Variants in ZNF740 observed in about 807,000 individuals in gnomAD.
ZNF740 encodes zinc finger protein 740, also known as oriLyt TD-element-binding protein 7.
Under a neutral mutation model 24.8 loss-of-function variants are expected in ZNF740, and 14 were observed. The observed-to-expected ratio is 0.56, with a 90% CI of 0.37 to 0.88. The LOEUF (loss-of-function observed/expected upper bound fraction) is 0.88, where lower values mean the gene tolerates loss of function less well. ZNF740 is among the 40% of genes least tolerant of loss of function. ZNF740 has a pLI of 0.00. For synonymous variants in ZNF740, 69 were observed against 84.0 expected, an observed-to-expected ratio of 0.82 and a Z score of 0.98; for missense variants, 201 against 247.9, an observed-to-expected ratio of 0.81 and a Z score of 1.27.
rs1306099313 is a variant in ZNF740 at position 53,191,706 on chromosome 12, G to A, written c.*4116G>A. On this transcript the variant is annotated 3_prime_UTR_variant, in exon 7 of 7. Transcript: ENST00000416904. Reference sequence around the variant, plus strand: ...CTCGTCCCCTTTCTAGACCTAAGAGGCCAGCCTTGAGCCGAATCCTAGGAG... The same window carrying A: ...CTCGTCCCCTTTCTAGACCTAAGAGACCAGCCTTGAGCCGAATCCTAGGAG... The A allele has an allele frequency of 1.3e-6, 2 of 1,541,892 alleles. No individual in the cohort carries two copies. Among genetic ancestry groups the A allele is most frequent in the South Asian group, 2.2e-5 (2 of 89,424 alleles).
chr12:53,194,102 C>G lies in ZNF740; in HGVS notation c.*6512C>G. 6 of 1,540,470 alleles carry G rather than the reference C, an allele frequency of 3.9e-6. No homozygotes were observed. The highest frequency in any genetic ancestry group is 5.3e-6 in the Non-Finnish European group (6 of 1,123,782). On this transcript the variant is annotated 3_prime_UTR_variant, in exon 7 of 7. Transcript: ENST00000416904. ...GGAGGACTACCTCAGGCTCTCATGTCACTCCCTGTACCTGCCACCCATCTT... is the reference window on the plus strand; with the variant it reads ...GGAGGACTACCTCAGGCTCTCATGTGACTCCCTGTACCTGCCACCCATCTT...
In ZNF740 at chr12:53,193,187, T is replaced by C; in HGVS notation, c.*5597T>C. The C allele has an allele frequency of 6.2e-7, 1 of 1,614,062 alleles. No homozygotes were observed. Among genetic ancestry groups the C allele is most frequent in the Non-Finnish European group, 8.5e-7 (1 of 1,179,980 alleles). On this transcript the variant is annotated 3_prime_UTR_variant, in exon 7 of 7. Transcript: ENST00000416904. ...TCGCTCACAGCTGGCATCGTCACAC[T>C]CGCACAGATGCCCAGAGCTCTGTCC...
Position 53,194,511 on chromosome 12 carries a change from G to T in ZNF740, c.*6921G>T, listed in dbSNP as rs1942088769. 1.6e-6 allele frequency: 1 copy of T among 631,356 alleles called. No individual in the cohort carries two copies. Among genetic ancestry groups the T allele is most frequent in the African/African-American group, 1.8e-5 (1 of 54,342 alleles). The allele number at this position is 631,356 out of a possible 1,614,324, so 39.1% of individuals were successfully genotyped here. ...GCATTTCTGGAGGGAGGACCCGTGA[G>T]AACCTTGCATAGAACATACAGGATC... On this transcript the variant is annotated 3_prime_UTR_variant, in exon 7 of 7. Transcript: ENST00000416904.
Position 53,181,821 on chromosome 12 carries a change from T to C in ZNF740, c.-163T>C, listed in dbSNP as rs1941656085. On this transcript the variant is annotated 5_prime_UTR_variant, in exon 2 of 7. Coordinates refer to ENST00000416904, the MANE Select transcript of ZNF740 (RefSeq NM_001004304.4). ...CACCTATCTTTTCTTCGGAGGACAC[T>C]AAGTTCTATTTGAAGACAAAGTTCA... 1.2e-6 allele frequency: 1 copy of C among 861,630 alleles called. No homozygotes were observed. The highest frequency in any genetic ancestry group is 1.8e-6 in the Non-Finnish European group (1 of 557,986). The allele number at this position is 861,630 out of a possible 1,614,324, so 53.4% of individuals were successfully genotyped here.
Position 53,187,581 on chromosome 12 carries a change from T to A in ZNF740, c.573T>A (p.Phe191Leu), listed in dbSNP as rs777386549. Residue 191 changes from phenylalanine to leucine, a missense_variant, in exon 7 of 7, where the codon TTT (phenylalanine) becomes TTA (leucine). Physicochemically the swap from Phe to Leu is conservative, Grantham distance 22. This residue lies in a region of ZNF740 where 24 missense variants were observed against 17.8 expected (regional missense o/e 1.35). Coordinates refer to ENST00000416904, the MANE Select transcript of ZNF740 (RefSeq NM_001004304.4). ...AGTCCAAGACTTCCGACGGGCAGTT[T>A]TCTCTATAGGCGCAAGGGGCCCCGG... The part of the protein sequence containing the change: ...GCQSKTSDGQ[F>L]SL 1 of 1,613,942 alleles carries A rather than the reference T, an allele frequency of 6.2e-7. No individual in the cohort carries two copies. Among genetic ancestry groups the A allele is most frequent in the Non-Finnish European group, 8.5e-7 (1 of 1,179,852 alleles).
rs748834176 is a variant in ZNF740 at position 53,194,313 on chromosome 12, G to T, written c.*6723G>T. The stretch of plus-strand genomic sequence containing the variant: ...AATGTGGACCCCAGGAGGGAGTGAA[G>T]AGTGTTCAAGGGTCACGGTGGAAGA... On this transcript the variant is annotated 3_prime_UTR_variant, in exon 7 of 7. Transcript: ENST00000416904. 3.7e-6 allele frequency: 6 copies of T among 1,614,064 alleles called. No individual in the cohort carries two copies. The South Asian group carries it at 6.6e-5, about 18-fold the overall frequency.
intron 2 of ZNF740, among the ~76,000 whole-genome samples, chr12:53,182,602 A>C (rs535436782): frequency 6.6e-6 from 1 of 152,140 alleles, no homozygotes; most frequent in African/African-American, 2.4e-5. Flanking sequence ...AGGTTGAAAG[A>C]TGCATAGGAT....
intron 6 of ZNF740, 114 bp downstream of exon 6, chr12:53,186,623 T>C (rs765503152): frequency 8.0e-5 from 62 of 774,706 alleles, no homozygotes; most frequent in Admixed American, 3.8e-4. Context: ...GCCATAATAG[T>C]TAACACATCG....
At chr12:53,187,299 A>G (rs192598338) in intron 6 of ZNF740, among the ~76,000 whole-genome samples, 1 of 152,292 alleles carries the variant, frequency 6.6e-6, no homozygotes, top group African/African-American at 2.4e-5. Flanking sequence ...AAGGTCACAC[A>G]GCTGCTGAGT....
chr12:53,181,442 T>A (rs1314981119), intron 1 of ZNF740: 2 of 985,292 alleles, frequency 2.0e-6, no homozygotes, highest in Admixed American at 6.1e-5. Flanking sequence ...CAAGCAACTT[T>A]CCTTTTGGCA....
intron 2 of ZNF740, among the ~76,000 whole-genome samples, chr12:53,182,417 G>A (rs1203985510): frequency 6.6e-6 from 1 of 152,194 alleles, no homozygotes; most frequent in African/African-American, 2.4e-5. Flanking sequence ...TGAGCTTCCA[G>A]GCTAGTTGGG....
chr12:53,186,377 TCCA>T lies in ZNF740; in HGVS notation c.374-11_374-9del. ...ATACCTCCCCACATTCACTTCTCTGTCCACCTGGGCCAGGTGAGAAGCCATTTG... is the reference window on the plus strand; with the variant it reads ...ATACCTCCCCACATTCACTTCTCTGTCCTGGGCCAGGTGAGAAGCCATTTG... On this transcript the variant is annotated splice_polypyrimidine_tract_variant and intron_variant, in intron 5 of 6. Transcript: ENST00000416904. 1 of 1,556,602 alleles carries T rather than the reference TCCA, an allele frequency of 6.4e-7. No homozygotes were observed. Among genetic ancestry groups the T allele is most frequent in the Non-Finnish European group, 8.7e-7 (1 of 1,147,510 alleles).
chr12:53,192,977 G>A lies in ZNF740; in HGVS notation c.*5387G>A, dbSNP rs1327349802. The A allele has an allele frequency of 6.0e-6, 9 of 1,507,408 alleles. No individual in the cohort carries two copies. The highest frequency in any genetic ancestry group is 1.7e-5 in the Admixed American group (1 of 57,184). The allele number at this position is 1,507,408 out of a possible 1,614,324, so 93.4% of individuals were successfully genotyped here. A position where few individuals can be genotyped will look rare whatever the true frequency, so the allele number is the denominator to read the frequency against. On this transcript the variant is annotated 3_prime_UTR_variant, in exon 7 of 7. Transcript: ENST00000416904. ...CACACAGTTGGCCATCATGTGGCAC[G>A]ACAAGCCCACGCATCCAATCTTTTT...
intron 2 of ZNF740, among the ~76,000 whole-genome samples, chr12:53,184,198 T>A (rs1005779598): frequency 1.4e-5 from 2 of 146,154 alleles, no homozygotes; most frequent in African/African-American, 5.2e-5. Context: ...TGTGTGTGTG[T>A]GTGAGTGACG....
At chr12:53,181,008 G>GC in intron 1 of ZNF740, 171 bp downstream of exon 1, 3 of 850,810 alleles carry the variant, frequency 3.5e-6, no homozygotes, top group South Asian at 4.7e-5. Flanking sequence ...CGCGCACACC[G>GC]CCCCCTGCCC....
rs367879540 is a variant in ZNF740 at position 53,194,208 on chromosome 12, A to G, written c.*6618A>G. ...CTTGCTGGCTCTCACCGTCTGGTTG[A>G]TTCGGACGTGGTTGCACTGTCCTCG... On this transcript the variant is annotated 3_prime_UTR_variant, in exon 7 of 7. Transcript: ENST00000416904. The G allele has an allele frequency of 6.2e-7, 1 of 1,613,828 alleles. No homozygotes were observed. The highest frequency in any genetic ancestry group is 1.7e-5 in the Admixed American group (1 of 59,990).
intron 2 of ZNF740, chr12:53,182,201 C>T: frequency 1.6e-6 from 1 of 635,990 alleles, no homozygotes; most frequent in Non-Finnish European, 2.7e-6. Context: ...GTAGGCTATA[C>T]TGCATCACAG....
rs748944870 is a variant in ZNF740, at chr12:53,193,675, G to C, written c.*6085G>C. On this transcript the variant is annotated 3_prime_UTR_variant, in exon 7 of 7. Transcript: ENST00000416904. ...GGCCAGGGTTGGTTGGTTGTTGGGA[G>C]CCAGGTGGTTGAAGGGAAGAGGAGG... is the stretch of plus-strand genomic sequence containing the variant. 2.5e-6 allele frequency: 4 copies of C among 1,570,584 alleles called. No individual in the cohort carries two copies. The Admixed American group carries it at 7.1e-5, about 28-fold the overall frequency.
rs1342199742 is a variant in ZNF740, at chr12:53,185,003, G to T, written c.122G>T (p.Arg41Leu). The change falls in exon 3 of 7, where the codon CGG (arginine) becomes CTG (leucine). Residue 41 changes from arginine (R) to leucine (L), a missense_variant. Arg to Leu is a moderately radical substitution (Grantham distance 102). This residue lies in a region of ZNF740 where 117 missense variants were observed against 122.3 expected (regional missense o/e 0.96). Transcript: ENST00000416904. ...IASKQAENGERAGSPDVLRCS... is the reference protein window; with the variant it reads ...IASKQAENGELAGSPDVLRCS... Reference sequence around the variant, plus strand: ...AGCAAGCAGGCCGAGAATGGCGAGCGGGCAGGTAGCCCTGATGTGCTGAGG... The same window carrying T: ...AGCAAGCAGGCCGAGAATGGCGAGCTGGCAGGTAGCCCTGATGTGCTGAGG... The T allele has an allele frequency of 1.2e-6, 2 of 1,613,998 alleles. No homozygotes were observed. The highest frequency in any genetic ancestry group is 1.7e-6 in the Non-Finnish European group (2 of 1,179,892).
Sources: gnomAD v4.1 joint callset for allele counts (sites outside exome capture counted in the v4.1 genomes callset) on GRCh38, gnomAD v4.1.1 for gene constraint, gnomAD v4.1.1 regional missense constraint, MANE v1.5 for transcripts, NCBI Gene and HGNC (gene_info 2026-07-23, HGNC 2026-07-21) for gene names.